The following DAB1 variants were observed in gnomAD, a reference collection of about 807,000 sequenced individuals.
DAB1 encodes DAB adaptor protein 1.
Under a neutral mutation model 64.6 loss-of-function variants are expected in DAB1, and 15 were observed. The ratio of observed to expected loss-of-function variants is 0.23; its 90% CI spans 0.16 to 0.36. The LOEUF is 0.36. Among genes scored for constraint, DAB1 ranks in the 10% least tolerant of loss-of-function variants. The pLI is 1.00. For missense variants in DAB1, 596 were observed against 706.7 expected (o/e 0.84, Z 1.78); for synonymous variants, 235 against 251.9 (o/e 0.93, Z 0.64).
chr1:57,827,083 T>G (rs1652382905), intron 1 of DAB1, among the ~76,000 whole-genome samples: 1 of 152,232 alleles, frequency 6.6e-6, no homozygotes, highest in Non-Finnish European at 1.5e-5. Context: ...CTCTTTATTG[T>G]TTAATATAAG....
In DAB1 at chr1:57,496,889, C is replaced by T. The variant is rs566232503; in HGVS notation, n.625+152703G>A. 5.9e-5 allele frequency among the ~76,000 whole-genome samples: 9 copies of T among 152,246 alleles called. No homozygotes were observed. In the East Asian group the frequency reaches 1.5e-3, roughly 26 times the overall value. On this transcript the variant is annotated intron_variant and non_coding_transcript_variant, in intron 7 of 20. Coordinates refer to the DAB1 transcript ENST00000485760. ...CAGTATTTCTTACACAACAAGGGGTCCAACTCTGAAGGGCAAATCCTCACA... is the reference window on the plus strand; with the variant it reads ...CAGTATTTCTTACACAACAAGGGGTTCAACTCTGAAGGGCAAATCCTCACA...
At chr1:57,094,337 C>A (rs900212381) in intron 4 of DAB1, among the ~76,000 whole-genome samples, 1 of 152,156 alleles carries the variant, frequency 6.6e-6, no homozygotes, top group Non-Finnish European at 1.5e-5. Flanking sequence ...ATAGCCCAAC[C>A]TCAGCTTGCA....
intron 2 of DAB1, among the ~76,000 whole-genome samples, chr1:57,196,041 G>T (rs1427822198): frequency 6.6e-6 from 1 of 152,144 alleles, no homozygotes; most frequent in Non-Finnish European, 1.5e-5. Context: ...TGGTGATGGG[G>T]AGTAGGAGGA....
intron 5 of DAB1, among the ~76,000 whole-genome samples, chr1:58,117,897 G>A (rs1329031918): frequency 1.3e-5 from 2 of 150,220 alleles, no homozygotes; most frequent in African/African-American, 2.5e-5. Flanking sequence ...TGGGGGTACA[G>A]ACATTGCTCT....
At chr1:57,748,684 G>A (rs898081542) in intron 6 of DAB1, among the ~76,000 whole-genome samples, 2 of 152,112 alleles carry the variant, frequency 1.3e-5, no homozygotes, top group Non-Finnish European at 2.9e-5. Context: ...CCAGAATAGT[G>A]AGCCCCTACC....
intron 6 of DAB1, among the ~76,000 whole-genome samples, chr1:57,769,215 T>C (rs1473411544): frequency 6.6e-6 from 1 of 152,156 alleles, no homozygotes; most frequent in Admixed American, 6.5e-5. Flanking sequence ...AAAAGGAAAT[T>C]AAGACAAAAG....
intron 6 of DAB1, among the ~76,000 whole-genome samples, chr1:57,745,129 G>A (rs1414493192): frequency 6.6e-6 from 1 of 152,172 alleles, no homozygotes; most frequent in Non-Finnish European, 1.5e-5. Context: ...ATTAGGGATA[G>A]TAATATCTGC....
intron 4 of DAB1, among the ~76,000 whole-genome samples, chr1:58,220,338 C>A (rs995891509): frequency 2.0e-5 from 3 of 152,130 alleles, no homozygotes; most frequent in African/African-American, 7.2e-5. Flanking sequence ...GATCCAAGCA[C>A]CCCAGGTGTG....
intron 3 of DAB1, among the ~76,000 whole-genome samples, chr1:58,402,485 C>T (rs771280951): frequency 1.3e-5 from 2 of 152,046 alleles, no homozygotes; most frequent in African/African-American, 2.4e-5. Context: ...GACAGAAACA[C>T]ACAGAGAGAA....
intron 5 of DAB1, among the ~76,000 whole-genome samples, chr1:57,998,383 TTC>T (rs1293450485): frequency 4.9e-5 from 7 of 142,604 alleles, no homozygotes; most frequent in Non-Finnish European, 9.0e-5. Flanking sequence ...CATCTTTTTT[TTC>T]TCTCTTTTTT....
chr1:57,997,378 C>T (rs532649563), intron 5 of DAB1, among the ~76,000 whole-genome samples: 1 of 152,334 alleles, frequency 6.6e-6, no homozygotes, highest in Admixed American at 6.5e-5. Flanking sequence ...TAACTGTGCA[C>T]TTGAATCTCT....
chr1:57,610,839 C>T lies in DAB1; in HGVS notation n.625+38753G>A, dbSNP rs111460605. Reference sequence around the variant, plus strand: ...GTTTCTCAACATCTGGGGATTACAACTCAAGATGAGATTTGGGCGGGGACA... The same window carrying T: ...GTTTCTCAACATCTGGGGATTACAATTCAAGATGAGATTTGGGCGGGGACA... On this transcript the variant is annotated intron_variant and non_coding_transcript_variant, in intron 7 of 20. Transcript: ENST00000485760. Among the ~76,000 whole-genome samples, 337 of 152,330 alleles carry T rather than the reference C, an allele frequency of 2.2e-3. 1 individual carries two copies. Among genetic ancestry groups the T allele is most frequent in the African/African-American group, 7.5e-3 (313 of 41,562 alleles).
At chr1:57,126,737 A>C (rs553772414) in intron 4 of DAB1, among the ~76,000 whole-genome samples, 12 of 152,278 alleles carry the variant, frequency 7.9e-5, no homozygotes, top group Admixed American at 7.2e-4. Context: ...CTTCAAATTC[A>C]GGCCTGCTAA....
At chr1:58,286,390 G>A (rs1661683126) in intron 4 of DAB1, among the ~76,000 whole-genome samples, 1 of 152,106 alleles carries the variant, frequency 6.6e-6, no homozygotes, top group Non-Finnish European at 1.5e-5. Context: ...CCTACCAAAT[G>A]GAAGGAAATG....
intron 4 of DAB1, among the ~76,000 whole-genome samples, chr1:58,176,336 T>C (rs1170220546): frequency 6.6e-6 from 1 of 152,008 alleles, no homozygotes; most frequent in African/African-American, 2.4e-5. Context: ...ATCAGTCATG[T>C]AAAAAAAATA....
At chr1:58,475,982 C>T (rs966608990) in intron 3 of DAB1, among the ~76,000 whole-genome samples, 2 of 152,106 alleles carry the variant, frequency 1.3e-5, no homozygotes, top group Non-Finnish European at 2.9e-5. Flanking sequence ...CCATTTCTAA[C>T]CTATGAAAAT....
At chr1:57,212,687 C>A (rs1469737566) in intron 2 of DAB1, among the ~76,000 whole-genome samples, 1 of 152,088 alleles carries the variant, frequency 6.6e-6, no homozygotes, top group South Asian at 2.1e-4. Flanking sequence ...ATTTACAAAG[C>A]ACATTCATAT....
chr1:57,287,778 T>TTTA (rs1553164511), intron 2 of DAB1, among the ~76,000 whole-genome samples: 21 of 144,144 alleles, frequency 1.5e-4, no homozygotes, highest in African/African-American at 5.4e-4. Context: ...TTTCTCTCTC[T>TTTA]TTTATTTATT....
At chr1:57,722,962 T>C (rs1300700907) in intron 6 of DAB1, among the ~76,000 whole-genome samples, 1 of 152,172 alleles carries the variant, frequency 6.6e-6, no homozygotes, top group East Asian at 1.9e-4. Flanking sequence ...AGAGGGATCA[T>C]TTCAGTGCAC....
Sources: allele counts gnomAD v4.1 joint callset (sites outside exome capture counted in the v4.1 genomes callset), GRCh38; gene constraint gnomAD v4.1.1; transcripts MANE v1.5; gene names NCBI Gene and HGNC (gene_info 2026-07-23, HGNC 2026-07-21).